The following PTK2B variants were observed in gnomAD, a reference collection of about 807,000 sequenced individuals.
PTK2B encodes the protein protein-tyrosine kinase 2-beta.
A neutral mutation model predicts 142.9 loss-of-function variants in PTK2B; 71 were observed. The observed-to-expected ratio is 0.50, with a 90% confidence interval of 0.41 to 0.61. PTK2B has a LOEUF of 0.61. Ranked by LOEUF, PTK2B falls within the 20% of genes least tolerant of loss-of-function variation. PTK2B has a pLI of 0.00. For missense variants in PTK2B, 1,105 were observed against 1,320.4 expected (o/e 0.84, Z 2.53); for synonymous variants, 519 against 503.4 (o/e 1.03, Z -0.42).
At chr8:27,407,050 C>T (rs1479818882) in intron 2 of PTK2B, among the ~76,000 whole-genome samples, 2 of 152,154 alleles carry the variant, frequency 1.3e-5, no homozygotes, top group African/African-American at 4.8e-5. Context: ...ACGCTTCATA[C>T]GGTTTATGGG....
At chr8:27,425,084 TTA>T (rs35668940) in intron 5 of PTK2B, among the ~76,000 whole-genome samples, 64,547 of 151,566 alleles carry the variant, frequency 0.43, 14,175 homozygotes, top group South Asian at 0.53. Flanking sequence ...ATAAAACACG[TTA>T]TGTTTCTATA....
At chr8:27,326,474 C>T (rs560023539) in intron 1 of PTK2B, among the ~76,000 whole-genome samples, 1 of 152,174 alleles carries the variant, frequency 6.6e-6, no homozygotes, top group South Asian at 2.1e-4. Context: ...ATACCCCAAA[C>T]TGGGAGCAAA....
Position 27,436,232 on chromosome 8 carries a change from GT to G in PTK2B, c.1244-15del, listed in dbSNP as rs752995856. 4 of 1,612,956 alleles carry G rather than the reference GT, an allele frequency of 2.5e-6. No homozygotes were observed. The African/African-American group carries it at 5.3e-5, about 22-fold the overall frequency. ...CCACCGATCTCTGTGATCTGCGACT[GT>G]TTTCTCTGTCTGTGCAGGTCCACAG... On this transcript the variant is annotated intron_variant, in intron 14 of 30. Coordinates refer to ENST00000346049, the MANE Select transcript of PTK2B (RefSeq NM_173176.3).
chr8:27,379,930 C>T (rs921809424), intron 1 of PTK2B, among the ~76,000 whole-genome samples: 29 of 152,216 alleles, frequency 1.9e-4, no homozygotes, highest in Non-Finnish European at 2.2e-4. Context: ...TTAGTAGAGA[C>T]GGGGTTTCAC....
At chr8:27,422,734 G>A (rs1391225289) in intron 5 of PTK2B, among the ~76,000 whole-genome samples, 5 of 152,192 alleles carry the variant, frequency 3.3e-5, no homozygotes, top group African/African-American at 1.2e-4. Context: ...GGACATTCGA[G>A]CCTAGAGATG....
chr8:27,314,298 G>A lies in PTK2B; in HGVS notation c.-414+1011G>A, dbSNP rs190560463. Among the ~76,000 whole-genome samples, 528 of 152,334 alleles carry A rather than the reference G, an allele frequency of 3.5e-3. 7 individuals carry two copies. Among genetic ancestry groups the A allele is most frequent in the African/African-American group, 0.012 (494 of 41,564 alleles). On this transcript the variant is annotated intron_variant, in intron 3 of 35. Coordinates refer to the PTK2B transcript ENST00000397501. The stretch of plus-strand genomic sequence containing the variant: ...AAACTATGATCAGGCCAGGCATGGC[G>A]GATCGGGCCAGGTGCCAGTGGTGGC...
At chr8:27,323,883 C>G (rs79666665), upstream of PTK2B, among the ~76,000 whole-genome samples, 1 of 152,210 alleles carries the variant, frequency 6.6e-6, no homozygotes, top group Non-Finnish European at 1.5e-5. Context: ...TTGGTCCCAG[C>G]AAGATAAGAT....
In PTK2B at chr8:27,436,251, G is replaced by A. The variant is rs746969440; in HGVS notation, c.1244G>A (p.Gly415Asp). ...IPDETLRRPGGPQYGIAREDV... is the reference protein window; with the variant it reads ...IPDETLRRPGDPQYGIAREDV... ...GCGACTGTTTTCTCTGTCTGTGCAGGTCCACAGTATGGCATTGCCCGTGAA... is the reference window on the plus strand; with the variant it reads ...GCGACTGTTTTCTCTGTCTGTGCAGATCCACAGTATGGCATTGCCCGTGAA... The change falls in exon 15 of 31, where the codon GGT (glycine) becomes GAT (aspartate). Residue 415 changes from glycine (G) to aspartate (D), a missense_variant and splice_region_variant. Gly to Asp is a moderately conservative substitution (Grantham distance 94). Coordinates refer to ENST00000346049, the MANE Select transcript of PTK2B (RefSeq NM_173176.3). 5 of 1,614,048 alleles carry A rather than the reference G, an allele frequency of 3.1e-6. No individual in the cohort carries two copies. The highest frequency in any genetic ancestry group is 1.1e-5 in the South Asian group (1 of 91,074).
chr8:27,313,666 C>T (rs560277848), intron 3 of PTK2B, among the ~76,000 whole-genome samples: 1 of 152,264 alleles, frequency 6.6e-6, no homozygotes, highest in South Asian at 2.1e-4. Flanking sequence ...TACACATGCC[C>T]ATCTGAGGCT....
chr8:27,358,186 G>T (rs1279832799), intron 1 of PTK2B, among the ~76,000 whole-genome samples: 1 of 152,226 alleles, frequency 6.6e-6, no homozygotes, highest in Non-Finnish European at 1.5e-5. Context: ...CCCCAGGGCA[G>T]CACAGGGCTG....
chr8:27,333,815 C>A (rs539484975), intron 1 of PTK2B, among the ~76,000 whole-genome samples: 1 of 152,136 alleles, frequency 6.6e-6, no homozygotes, highest in Non-Finnish European at 1.5e-5. Flanking sequence ...TCCATCATGT[C>A]TCCGGTGACC....
At chr8:27,386,870 G>A (rs1807393138) in intron 1 of PTK2B, among the ~76,000 whole-genome samples, 1 of 151,254 alleles carries the variant, frequency 6.6e-6, no homozygotes, top group Non-Finnish European at 1.5e-5. Context: ...GTTAAAAAAA[G>A]TACCTGAGGT....
At chr8:27,322,194 A>G (rs1803233694), upstream of PTK2B, among the ~76,000 whole-genome samples, 1 of 152,162 alleles carries the variant, frequency 6.6e-6, no homozygotes, top group African/African-American at 2.4e-5. Context: ...TAGAATACTT[A>G]TAACCATACT....
intron 1 of PTK2B, among the ~76,000 whole-genome samples, chr8:27,359,505 T>G (rs1805578143): frequency 6.6e-6 from 1 of 152,182 alleles, no homozygotes; most frequent in Admixed American, 6.5e-5. Flanking sequence ...TGCCCCTTTC[T>G]CAAGGTGGGT....
In PTK2B at chr8:27,450,829, C is replaced by T; in HGVS notation, c.2421C>T (p.Ile807=). The T allele has an allele frequency of 1.2e-6, 2 of 1,614,182 alleles. No homozygotes were observed. Among genetic ancestry groups the T allele is most frequent in the Non-Finnish European group, 1.7e-6 (2 of 1,180,038 alleles). ...CTGAAAAGGTCAAAATGCGGCAAAT[C>T]CTGGACAAACAGCAGAAGCAGATGG... ...WEAEKVKMRQ[I]LDKQQKQMVE... The change falls in exon 25 of 31, where the codon ATC becomes ATT. Residue 807 remains isoleucine, a synonymous_variant. Coordinates refer to ENST00000346049, the MANE Select transcript of PTK2B (RefSeq NM_173176.3).
At chr8:27,385,064 T>C (rs1807260377) in intron 1 of PTK2B, among the ~76,000 whole-genome samples, 1 of 152,170 alleles carries the variant, frequency 6.6e-6, no homozygotes. Context: ...ACAGTTCTGC[T>C]CTCGACTTGC....
intron 1 of PTK2B, among the ~76,000 whole-genome samples, chr8:27,329,737 T>C (rs1803629583): frequency 6.6e-6 from 1 of 152,088 alleles, no homozygotes; most frequent in South Asian, 2.1e-4. Context: ...TCTGCAACAC[T>C]GATATGCCTT....
Position 27,454,350 on chromosome 8 carries a change from G to A in PTK2B, c.2733+59G>A, listed in dbSNP as rs1247952735. ...GGCTCAAGTCCGCCCTGGAAGGAAA[G>A]GGGACTGCGCTTCCTGTTGGCTGGC... On this transcript the variant is annotated intron_variant, in intron 29 of 30. Transcript: ENST00000346049. The A allele has an allele frequency of 3.1e-6, 5 of 1,588,542 alleles. No homozygotes were observed. In the Admixed American group the frequency reaches 8.8e-5, roughly 28 times the overall value.
intron 1 of PTK2B, among the ~76,000 whole-genome samples, chr8:27,331,731 CT>C (rs1803762962): frequency 6.6e-6 from 1 of 152,164 alleles, no homozygotes; most frequent in South Asian, 2.1e-4. Context: ...AGGTGATCCA[CT>C]CCCCTCAGCC....
Sources: allele counts gnomAD v4.1 joint callset (sites outside exome capture counted in the v4.1 genomes callset), GRCh38; gene constraint gnomAD v4.1.1; transcripts MANE v1.5; gene names NCBI Gene and HGNC (gene_info 2026-07-23, HGNC 2026-07-21).